Variants in ESR1 observed in about 807,000 individuals in gnomAD.
The protein encoded by ESR1 is estrogen receptor.
A neutral mutation model predicts 52.7 loss-of-function variants in ESR1; 12 were observed. That is an observed-to-expected ratio of 0.23 (90% CI 0.15 to 0.37). The LOEUF is 0.37. Among genes scored for constraint, ESR1 ranks in the 10% least tolerant of loss-of-function variants. ESR1 has a pLI of 1.00. For missense variants in ESR1, 584 were observed against 779.7 expected, an observed-to-expected ratio of 0.75 and a Z score of 2.99; for synonymous variants, 305 against 316.8, an observed-to-expected ratio of 0.96 and a Z score of 0.39.
chr6:152,087,096 G>A (rs2049785192), intron 6 of ESR1, among the ~76,000 whole-genome samples: 1 of 152,100 alleles, frequency 6.6e-6, no homozygotes, highest in African/African-American at 2.4e-5. Flanking sequence ...ACATTCAAGT[G>A]TCTTAGGCTT....
intron 4 of ESR1, among the ~76,000 whole-genome samples, chr6:151,949,872 G>A (rs1052025324): frequency 1.3e-5 from 2 of 152,134 alleles, no homozygotes; most frequent in African/African-American, 4.8e-5. Context: ...AAACATGTCT[G>A]GGGCATTTTG....
intron 1 of ESR1, among the ~76,000 whole-genome samples, chr6:151,838,195 C>T (rs891735901): frequency 6.6e-6 from 1 of 152,048 alleles, no homozygotes; most frequent in Non-Finnish European, 1.5e-5. Context: ...TGTGATGGTA[C>T]AGAAAAACAA....
At chr6:151,996,487 C>G (rs1325406790) in intron 4 of ESR1, among the ~76,000 whole-genome samples, 13 of 152,076 alleles carry the variant, frequency 8.5e-5, no homozygotes, top group Non-Finnish European at 1.0e-4. Flanking sequence ...AGCCCCTCTG[C>G]CTTCGTGGAC....
chr6:152,067,775 C>T (rs937833236), intron 6 of ESR1, among the ~76,000 whole-genome samples: 1 of 152,074 alleles, frequency 6.6e-6, no homozygotes, highest in Non-Finnish European at 1.5e-5. Flanking sequence ...TGCAGTGAGC[C>T]AAGATCGTGC....
intron 2 of ESR1, among the ~76,000 whole-genome samples, chr6:151,774,759 CA>C (rs1250948162): frequency 6.6e-6 from 1 of 152,136 alleles, no homozygotes; most frequent in African/African-American, 2.4e-5. Context: ...ATTGGTATAT[CA>C]ACAGAATTAG....
chr6:151,676,584 GT>G (rs946438646), intron 1 of ESR1, among the ~76,000 whole-genome samples: 1 of 152,228 alleles, frequency 6.6e-6, no homozygotes, highest in Admixed American at 6.5e-5. Flanking sequence ...TGCTCTCCCT[GT>G]GTGGTCTTGT....
At chr6:151,923,534 C>T (rs1331477170) in intron 3 of ESR1, among the ~76,000 whole-genome samples, 6 of 152,152 alleles carry the variant, frequency 3.9e-5, no homozygotes, top group African/African-American at 1.4e-4. Context: ...TGTTTAATAT[C>T]TTTCTTTTGT....
At chr6:151,998,723 A>G (rs1045450264) in intron 4 of ESR1, among the ~76,000 whole-genome samples, 2 of 152,102 alleles carry the variant, frequency 1.3e-5, no homozygotes, top group Admixed American at 1.3e-4. Context: ...TAATTCTCAT[A>G]TGTTTGGTTA....
intron 1 of ESR1, among the ~76,000 whole-genome samples, chr6:151,816,234 G>A (rs1041494194): frequency 2.0e-5 from 3 of 152,212 alleles, no homozygotes; most frequent in Admixed American, 6.5e-5. Context: ...CTAATTCAGT[G>A]TTTGAGGTGA....
intron 1 of ESR1, among the ~76,000 whole-genome samples, chr6:151,680,324 C>A (rs1032946720): frequency 1.3e-5 from 2 of 151,806 alleles, no homozygotes; most frequent in African/African-American, 4.8e-5. Context: ...CTGCCTCAGC[C>A]TCCCGAGTAG....
intron 2 of ESR1, among the ~76,000 whole-genome samples, chr6:151,721,235 G>A (rs1399124892): frequency 3.9e-5 from 6 of 152,158 alleles, no homozygotes; most frequent in Non-Finnish European, 8.8e-5. Context: ...CAGGAAAGAG[G>A]CAACAAGAAC....
At chr6:151,824,180 G>A (rs12171558) in intron 1 of ESR1, among the ~76,000 whole-genome samples, 361 of 151,774 alleles carry the variant, frequency 2.4e-3, no homozygotes, top group Non-Finnish European at 4.3e-3. Flanking sequence ...GGTGTGAGAT[G>A]ATATCTCATT....
At chr6:151,806,530 G>GTATATGTATATATA (rs1554259016), upstream of ESR1, among the ~76,000 whole-genome samples, 20 of 96,444 alleles carry the variant, frequency 2.1e-4, no homozygotes, top group Non-Finnish European at 3.5e-4. Context: ...TCCTTAATAT[G>GTATATGTATATATA]TATATATATA....
Position 151,807,783 on chromosome 6 carries a change from C to T in ESR1, c.-130C>T. Reference sequence around the variant, plus strand: ...CCGGGGCAGGGCCGGGGCCAGAGCTCGCGTGTCGGCGGGACATGCGCTGCG... The same window carrying T: ...CCGGGGCAGGGCCGGGGCCAGAGCTTGCGTGTCGGCGGGACATGCGCTGCG... On this transcript the variant is annotated 5_prime_UTR_variant, in exon 1 of 8. Coordinates refer to ENST00000206249, the MANE Select transcript of ESR1 (RefSeq NM_000125.4). The T allele has an allele frequency of 1.1e-6, 1 of 903,918 alleles. No individual in the cohort carries two copies. Among genetic ancestry groups the T allele is most frequent in the Non-Finnish European group, 1.7e-6 (1 of 571,444 alleles). 56.0% of individuals were successfully genotyped at this position (903,918 alleles called of 1,614,324 possible).
chr6:151,978,304 TCCAAAG>T, intron 4 of ESR1, among the ~76,000 whole-genome samples: 1 of 152,052 alleles, frequency 6.6e-6, no homozygotes, highest in African/African-American at 2.4e-5. Context: ...GAAAAATATA[TCCAAAG>T]AATAGGTCCA....
intron 2 of ESR1, among the ~76,000 whole-genome samples, chr6:151,874,529 G>T (rs984106766): frequency 1.4e-4 from 22 of 152,152 alleles, no homozygotes; most frequent in Non-Finnish European, 2.8e-4. Flanking sequence ...TTATGGCACA[G>T]AATTGCATTA....
intron 2 of ESR1, among the ~76,000 whole-genome samples, chr6:151,745,589 A>C (rs1344605869): frequency 6.6e-6 from 1 of 152,100 alleles, no homozygotes; most frequent in African/African-American, 2.4e-5. Context: ...ACCATCCACC[A>C]TCCCAAACTC....
intron 1 of ESR1, among the ~76,000 whole-genome samples, chr6:151,679,133 T>C (rs1304595797): frequency 1.3e-5 from 2 of 152,226 alleles, no homozygotes; most frequent in African/African-American, 4.8e-5. Flanking sequence ...GAATTGCCTT[T>C]ATTAAAATTG....
downstream of ESR1, among the ~76,000 whole-genome samples, chr6:152,104,522 C>T (rs906804420): frequency 1.2e-4 from 18 of 152,292 alleles, no homozygotes; most frequent in African/African-American, 3.9e-4. Context: ...ACATTTTTCA[C>T]GTTATTATCG....
Sources: allele counts gnomAD v4.1 joint callset (sites outside exome capture counted in the v4.1 genomes callset), GRCh38; gene constraint gnomAD v4.1.1; transcripts MANE v1.5; gene names NCBI Gene and HGNC (gene_info 2026-07-23, HGNC 2026-07-21).